The following SGO2 variants were observed in gnomAD, a reference collection of about 807,000 sequenced individuals.
The protein encoded by SGO2 is shugoshin-like 2.
Under a neutral mutation model 99.5 loss-of-function variants are expected in SGO2, and 68 were observed. The observed-to-expected ratio is 0.68, with a 90% CI of 0.56 to 0.84. The LOEUF (loss-of-function observed/expected upper bound fraction) is 0.84, where lower values mean the gene tolerates loss of function less well. Ranked by LOEUF, SGO2 falls within the 40% of genes least tolerant of loss-of-function variation. SGO2 has a pLI of 0.00. For synonymous variants in SGO2, 457 were observed against 487.1 expected, an observed-to-expected ratio of 0.94 and a Z score of 0.81; for missense variants, 1,350 against 1,436.7, an observed-to-expected ratio of 0.94 and a Z score of 0.97.
chr2:200,569,694 G>A lies in SGO2; in HGVS notation c.505G>A (p.Glu169Lys), dbSNP rs1386836622. 1.9e-6 allele frequency: 3 copies of A among 1,609,858 alleles called. No individual in the cohort carries two copies. Among genetic ancestry groups the A allele is most frequent in the Admixed American group, 3.4e-5 (2 of 59,568 alleles). The change falls in exon 6 of 9, where the codon GAA (glutamate) becomes AAA (lysine). Residue 169 changes from glutamate (E) to lysine (K), a missense_variant. By Grantham distance (56) the Glu-to-Lys change is moderately conservative (BLOSUM62 1). Coordinates refer to ENST00000357799, the MANE Select transcript of SGO2 (RefSeq NM_152524.6). ...VPLTSNDDED[E>K]DKEKMQCDNN... is the part of the protein sequence containing the mutation. Reference sequence around the variant, plus strand: ...ATTAACTTCAAATGATGATGAAGATGAAGATAAAGAGAAAATGCAGTGTGA... The same window carrying A: ...ATTAACTTCAAATGATGATGAAGATAAAGATAAAGAGAAAATGCAGTGTGA...
At chr2:200,533,778 C>T (rs1392756789) in intron 2 of SGO2, among the ~76,000 whole-genome samples, 2 of 152,028 alleles carry the variant, frequency 1.3e-5, no homozygotes, top group African/African-American at 2.4e-5. Flanking sequence ...ATAGCTCCTG[C>T]GAAGGACAAT....
chr2:200,541,728 C>A (rs542660109), intron 4 of SGO2, among the ~76,000 whole-genome samples: 12 of 152,262 alleles, frequency 7.9e-5, no homozygotes, highest in Admixed American at 6.5e-4. Context: ...CTGTCCCAAG[C>A]CTTTTCTGAT....
chr2:200,556,864 A>AGG (rs2032741156), intron 5 of SGO2, among the ~76,000 whole-genome samples: 1 of 152,166 alleles, frequency 6.6e-6, no homozygotes. Context: ...AGACAGAGAG[A>AGG]GGGAGAGAGA....
At chr2:200,566,706 A>C (rs1286744920) in intron 5 of SGO2, among the ~76,000 whole-genome samples, 1 of 152,114 alleles carries the variant, frequency 6.6e-6, no homozygotes, top group Non-Finnish European at 1.5e-5. Context: ...CTTGAGCCGC[A>C]GGGTGCTCCA....
In SGO2 at chr2:200,572,246, G is replaced by C. The variant is rs1350260031; in HGVS notation, c.1900G>C (p.Asp634His). Reference sequence around the variant, plus strand: ...AATGAACCACATGTATGAGGATAATGATAAAGATGTGGTGCATGGCCTAAA... The same window carrying C: ...AATGAACCACATGTATGAGGATAATCATAAAGATGTGGTGCATGGCCTAAA... ...SGMNHMYEDN[D>H]KDVVHGLKKG... The change falls in exon 7 of 9, where the codon GAT (aspartate) becomes CAT (histidine). Residue 634 changes from aspartate (D) to histidine (H), a missense_variant. Transcript: ENST00000357799. The C allele has an allele frequency of 6.2e-7, 1 of 1,612,364 alleles. No homozygotes were observed. The highest frequency in any genetic ancestry group is 8.5e-7 in the Non-Finnish European group (1 of 1,179,470).
chr2:200,544,708 T>G (rs1322142529), intron 5 of SGO2, among the ~76,000 whole-genome samples: 3 of 151,950 alleles, frequency 2.0e-5, no homozygotes, highest in East Asian at 1.9e-4. Context: ...TCTATCTATC[T>G]ATCTATCTAT....
chr2:200,535,948 A>G (rs2031669654), intron 3 of SGO2, 117 bp from the exon 4 acceptor site: 5 of 552,498 alleles, frequency 9.0e-6, no homozygotes, highest in Non-Finnish European at 1.6e-5. Context: ...TTTTAGCTCA[A>G]TATGATATCA....
intron 3 of SGO2, among the ~76,000 whole-genome samples, chr2:200,535,577 T>A (rs1215918629): frequency 6.6e-6 from 1 of 152,140 alleles, no homozygotes; most frequent in Non-Finnish European, 1.5e-5. Context: ...AGAATTATAG[T>A]TGTTTCTTTT....
At position 200,542,401 on chromosome 2, in the gene SGO2, A is replaced by G. The variant is rs190642224; in HGVS notation, c.388-178A>G. Among the ~76,000 whole-genome samples, 367 of 152,320 alleles carry G rather than the reference A, an allele frequency of 2.4e-3. 1 individual carries two copies. Among genetic ancestry groups the G allele is most frequent in the Non-Finnish European group, 3.9e-3 (264 of 68,020 alleles). ...TTGGCAGTGATTATCTTTCGTTGGC[A>G]TGATTAAGGATGCACTGTGTTTTAA... On this transcript the variant is annotated intron_variant, in intron 4 of 8. Coordinates refer to ENST00000357799, the MANE Select transcript of SGO2 (RefSeq NM_152524.6).
rs565297035 is a variant in SGO2 at position 200,535,251 on chromosome 2, T to C, written c.309+80T>C. 6.0e-5 allele frequency: 78 copies of C among 1,297,112 alleles called. No homozygotes were observed. In the South Asian group the frequency reaches 1.3e-3, roughly 21 times the overall value. The allele number at this position is 1,297,112 out of a possible 1,614,324, so 80.4% of individuals were successfully genotyped here. ...CATTATTATAGAAGCTTTAAAAATA[T>C]TTTTCAAATCTCCAATAGTGAAAAA... On this transcript the variant is annotated intron_variant, in intron 3 of 8. Coordinates refer to ENST00000357799, the MANE Select transcript of SGO2 (RefSeq NM_152524.6).
chr2:200,564,079 T>C (rs573894657), intron 5 of SGO2, among the ~76,000 whole-genome samples: 60 of 152,364 alleles, frequency 3.9e-4, no homozygotes, highest in African/African-American at 1.4e-3. Context: ...GCTCTGATCT[T>C]AGTTATTGCT....
intron 8 of SGO2, among the ~76,000 whole-genome samples, chr2:200,581,588 T>C (rs758594036): frequency 2.6e-5 from 4 of 152,268 alleles, no homozygotes; most frequent in African/African-American, 9.6e-5. Context: ...CCTATGATGA[T>C]CATTCCATAA....
rs2033430830 is a variant in SGO2 at position 200,571,633 on chromosome 2, T to G, written c.1287T>G (p.Ile429Met). Residue 429 changes from isoleucine (I) to methionine (M), a missense_variant, in exon 7 of 9, where the codon ATT becomes ATG. Ile to Met is a conservative substitution (Grantham distance 10). Coordinates refer to ENST00000357799, the MANE Select transcript of SGO2 (RefSeq NM_152524.6). Reference protein sequence around the residue: ...NSSDVDIGEKIENRTERSDVL... With the variant: ...NSSDVDIGEKMENRTERSDVL... ...CAGATGTCGATATTGGGGAAAAGAT[T>G]GAAAACAGGACAGAAAGATCTGATG... The G allele has an allele frequency of 6.2e-7, 1 of 1,612,622 alleles. No homozygotes were observed.
intron 8 of SGO2, among the ~76,000 whole-genome samples, 193 bp from the exon 9 acceptor site, chr2:200,583,256 T>G (rs1364727933): frequency 6.6e-6 from 1 of 152,202 alleles, no homozygotes; most frequent in Non-Finnish European, 1.5e-5. Flanking sequence ...TTGAAATGAA[T>G]TATTTGAAGT....
chr2:200,560,629 A>G (rs2032902761), intron 5 of SGO2, among the ~76,000 whole-genome samples: 1 of 151,882 alleles, frequency 6.6e-6, no homozygotes. Flanking sequence ...CTTCGTTATG[A>G]TGTATTATTC....
In SGO2 at chr2:200,571,925, A is replaced by C; in HGVS notation, c.1579A>C (p.Thr527Pro). Residue 527 changes from threonine (T) to proline (P), a missense_variant, in exon 7 of 9, where the codon ACT becomes CCT. By Grantham distance (38) the Thr-to-Pro change is conservative. Coordinates refer to ENST00000357799, the MANE Select transcript of SGO2 (RefSeq NM_152524.6). ...SKFDKGQNSL[T>P]CNKSKASRQT... Reference sequence around the variant, plus strand: ...ATTTGATAAGGGTCAGAATTCCCTAACTTGTAATAAAAGTAAAGCTTCTAG... The same window carrying C: ...ATTTGATAAGGGTCAGAATTCCCTACCTTGTAATAAAAGTAAAGCTTCTAG... 2.5e-6 allele frequency: 4 copies of C among 1,612,720 alleles called. No individual in the cohort carries two copies. The highest frequency in any genetic ancestry group is 3.4e-6 in the Non-Finnish European group (4 of 1,179,446).
chr2:200,532,409 G>T (rs1488860003), intron 1 of SGO2: 5 of 982,572 alleles, frequency 5.1e-6, no homozygotes, highest in Non-Finnish European at 4.8e-6. Flanking sequence ...AGCTATTTCT[G>T]ATCCTTTTCC....
At chr2:200,527,239 G>A (rs1293633088) in intron 1 of SGO2, among the ~76,000 whole-genome samples, 1 of 152,172 alleles carries the variant, frequency 6.6e-6, no homozygotes, top group Non-Finnish European at 1.5e-5. Flanking sequence ...TGACAGTGTC[G>A]TTTATTAAAT....
chr2:200,553,614 A>G (rs535517635), intron 5 of SGO2, among the ~76,000 whole-genome samples: 2 of 152,314 alleles, frequency 1.3e-5, no homozygotes, highest in South Asian at 2.1e-4. Flanking sequence ...AATAGAACTG[A>G]TTTGTTTGCA....
Sources: allele counts gnomAD v4.1 joint callset (sites outside exome capture counted in the v4.1 genomes callset), GRCh38; gene constraint gnomAD v4.1.1; transcripts MANE v1.5; gene names NCBI Gene and HGNC (gene_info 2026-07-23, HGNC 2026-07-21).